The following DNAH3 variants were observed in gnomAD, a reference collection of about 807,000 sequenced individuals.
The protein encoded by DNAH3 is dynein axonemal heavy chain 3, also known as axonemal beta dynein heavy chain 3.
A neutral mutation model predicts 432.5 loss-of-function variants in DNAH3; 332 were observed. The observed-to-expected ratio is 0.77, with a 90% confidence interval of 0.70 to 0.84. DNAH3 has a LOEUF of 0.84. DNAH3 is among the 40% of genes least tolerant of loss of function. The probability of loss-of-function intolerance (pLI) is 0.00; values close to 1 mark genes in which losing one functional copy is unlikely to be tolerated. For missense variants in DNAH3, 4,861 were observed against 5,114.0 expected (o/e 0.95, Z 1.51); for synonymous variants, 1,956 against 1,900.2 (o/e 1.03, Z -0.76).
intron 7 of DNAH3, among the ~76,000 whole-genome samples, chr16:21,130,668 G>A (rs954992505): frequency 2.0e-5 from 3 of 151,888 alleles, no homozygotes; most frequent in Non-Finnish European, 4.4e-5. Flanking sequence ...GTTCACTTTG[G>A]TGCTGCTGTT....
At chr16:21,052,389 C>CAG (rs1453984907) in intron 28 of DNAH3, among the ~76,000 whole-genome samples, 1 of 152,208 alleles carries the variant, frequency 6.6e-6, no homozygotes, top group Non-Finnish European at 1.5e-5. Flanking sequence ...CAAAGCCAGG[C>CAG]AGAGAATCTG....
At chr16:20,937,188 C>T (rs1262007438) in intron 59 of DNAH3, among the ~76,000 whole-genome samples, 1 of 151,978 alleles carries the variant, frequency 6.6e-6, no homozygotes, top group East Asian at 1.9e-4. Context: ...TGGGGTTTCA[C>T]TCTGTCATTC....
intron 53 of DNAH3, among the ~76,000 whole-genome samples, chr16:20,961,382 T>C (rs927664032): frequency 6.6e-6 from 1 of 152,010 alleles, no homozygotes; most frequent in African/African-American, 2.4e-5. Flanking sequence ...CATTAGGAGA[T>C]ACACCTAATG....
chr16:21,018,479 T>C (rs528460717), intron 41 of DNAH3, among the ~76,000 whole-genome samples: 1 of 152,316 alleles, frequency 6.6e-6, no homozygotes, highest in South Asian at 2.1e-4. Flanking sequence ...AAAAGCGACT[T>C]AGAAGAAGCA....
chr16:20,986,114 C>T (rs140521555), intron 47 of DNAH3, among the ~76,000 whole-genome samples: 7,547 of 151,992 alleles, frequency 0.05, 281 homozygotes, highest in Non-Finnish European at 0.077. Flanking sequence ...CCTCGTCCTC[C>T]CAAAGTGCTG....
At chr16:20,966,014 ATTTTTTTTTTTTTT>A (rs555983378) in intron 52 of DNAH3, among the ~76,000 whole-genome samples, 571 of 48,216 alleles carry the variant, frequency 0.012, 34 homozygotes, top group African/African-American at 0.022. Flanking sequence ...TGCCCAGCCA[ATTTTTTTTTTTTTT>A]TTTTTTTTTT....
Position 21,080,292 on chromosome 16 carries a change from G to A in DNAH3, c.2969+1344C>T, listed in dbSNP as rs565957612. Among the ~76,000 whole-genome samples, 19 of 152,158 alleles carry A rather than the reference G, an allele frequency of 1.2e-4. 1 individual carries two copies. The highest frequency in any genetic ancestry group is 1.2e-3 in the South Asian group (6 of 4,806). ...GGCCTGGGTGACAAAGTGAGACTCC[G>A]TCTCCAAAATAAAATAAGATAAAAT... is the stretch of plus-strand genomic sequence containing the variant. On this transcript the variant is annotated intron_variant, in intron 20 of 61. Coordinates refer to ENST00000261383, the Ensembl canonical transcript of DNAH3.
intron 49 of DNAH3, 137 bp downstream of exon 49, chr16:20,982,584 A>G: frequency 1.5e-6 from 1 of 650,424 alleles, no homozygotes; most frequent in Non-Finnish European, 2.5e-6. Flanking sequence ...TATCTAACTA[A>G]CTGTGATTCA....
chr16:21,039,979 T>A, intron 32 of DNAH3, 36 bp from the exon 33 acceptor site: 3 of 1,528,292 alleles, frequency 2.0e-6, no homozygotes, highest in Non-Finnish European at 2.7e-6. Flanking sequence ...TCGGAACACG[T>A]GCAGTGAATA....
At chr16:21,126,176 A>G (rs1398021184) in intron 8 of DNAH3, among the ~76,000 whole-genome samples, 1 of 137,582 alleles carries the variant, frequency 7.3e-6, no homozygotes, top group Non-Finnish European at 1.6e-5. Context: ...TCAAACAAAC[A>G]AACAACAACA....
intron 44 of DNAH3, among the ~76,000 whole-genome samples, chr16:20,990,368 G>A (rs777824298): frequency 7.4e-4 from 112 of 151,832 alleles, no homozygotes; most frequent in Non-Finnish European, 1.3e-3. Flanking sequence ...TATTTATATA[G>A]ATATATACCA....
At chr16:21,007,385 G>A (rs2087360035) in intron 41 of DNAH3, among the ~76,000 whole-genome samples, 2 of 151,590 alleles carry the variant, frequency 1.3e-5, no homozygotes, top group South Asian at 4.2e-4. Flanking sequence ...GCTAATTTTT[G>A]TATTTTTTGT....
chr16:21,147,558 C>T (rs1787335697), intron 1 of DNAH3, among the ~76,000 whole-genome samples: 1 of 152,178 alleles, frequency 6.6e-6, no homozygotes, highest in South Asian at 2.1e-4. Flanking sequence ...AAGAGAAATT[C>T]ACTCAGGCAG....
At chr16:21,101,662 C>T (rs1362184432) in intron 16 of DNAH3, among the ~76,000 whole-genome samples, 1 of 152,164 alleles carries the variant, frequency 6.6e-6, no homozygotes, top group Non-Finnish European at 1.5e-5. Context: ...CAGAGACTAG[C>T]ATCAGAGGGA....
intron 37 of DNAH3, among the ~76,000 whole-genome samples, chr16:21,029,533 T>C (rs981377534): frequency 1.3e-5 from 2 of 152,206 alleles, no homozygotes; most frequent in South Asian, 4.1e-4. Flanking sequence ...GATGATGAAG[T>C]TGGGGCATCA....
At chr16:21,125,710 C>A (rs2092434118) in intron 8 of DNAH3, among the ~76,000 whole-genome samples, 1 of 152,174 alleles carries the variant, frequency 6.6e-6, no homozygotes, top group Non-Finnish European at 1.5e-5. Context: ...TGTCCAACTT[C>A]TCTCTCTCTA....
At chr16:21,141,207 G>C (rs2092714222) in intron 4 of DNAH3, 93 bp downstream of exon 5, 3 of 866,876 alleles carry the variant, frequency 3.5e-6, no homozygotes, top group Non-Finnish European at 5.4e-6. Context: ...GGAATGCTTT[G>C]AAGCCAAGAA....
chr16:21,056,049 T>G (rs1245256489), intron 27 of DNAH3, among the ~76,000 whole-genome samples: 1 of 152,240 alleles, frequency 6.6e-6, no homozygotes. Context: ...TGAATCTAGA[T>G]GATTATAGCT....
intron 5 of DNAH3, among the ~76,000 whole-genome samples, chr16:21,136,740 G>A (rs1002990383): frequency 1.3e-5 from 2 of 152,164 alleles, no homozygotes; most frequent in East Asian, 1.9e-4. Context: ...AGAGATGTCA[G>A]TGGGGTATAA....
Sources: allele counts gnomAD v4.1 joint callset (sites outside exome capture counted in the v4.1 genomes callset), GRCh38; gene constraint gnomAD v4.1.1; transcripts MANE v1.5; gene names NCBI Gene and HGNC (gene_info 2026-07-23, HGNC 2026-07-21).